Variants in THSD7A observed in about 807,000 individuals in gnomAD.
THSD7A encodes the protein thrombospondin type-1 domain-containing protein 7A.
A neutral mutation model predicts 231.3 loss-of-function variants in THSD7A; 96 were observed. That is an observed-to-expected ratio of 0.41 (90% confidence interval 0.35 to 0.49). THSD7A has a LOEUF of 0.49. Among genes scored for constraint, THSD7A ranks in the 20% least tolerant of loss-of-function variants. The probability of loss-of-function intolerance (pLI) is 0.05; values close to 1 mark genes in which losing one functional copy is unlikely to be tolerated. For missense variants in THSD7A, 2,290 were observed against 2,070.2 expected (o/e 1.11, Z -2.06); for synonymous variants, 940 against 743.3 (o/e 1.26, Z -4.30).
intron 1 of THSD7A, among the ~76,000 whole-genome samples, chr7:11,729,474 G>A (rs1781654833): frequency 6.6e-6 from 1 of 151,732 alleles, no homozygotes; most frequent in South Asian, 2.1e-4. Context: ...GGCCCCAACT[G>A]CTACAGGCTA....
At chr7:11,806,485 G>A (rs1254166438) in intron 1 of THSD7A, among the ~76,000 whole-genome samples, 2 of 152,156 alleles carry the variant, frequency 1.3e-5, no homozygotes, top group Middle Eastern at 3.4e-3. Context: ...GCTTAAAAGT[G>A]GTTGTGGGGA....
chr7:11,384,883 T>C (rs1260622979), intron 23 of THSD7A: 1 of 152,008 alleles, frequency 6.6e-6, no homozygotes, highest in Non-Finnish European at 1.5e-5. Context: ...TAACAACCTG[T>C]TCAAATTGCA....
At chr7:11,431,585 G>A (rs1784479605) in intron 13 of THSD7A, among the ~76,000 whole-genome samples, 1 of 152,078 alleles carries the variant, frequency 6.6e-6, no homozygotes, top group Non-Finnish European at 1.5e-5. Context: ...ACATAGTCTT[G>A]ACTACTGTAA....
At chr7:11,781,259 A>G (rs1046750887) in intron 1 of THSD7A, among the ~76,000 whole-genome samples, 1 of 151,318 alleles carries the variant, frequency 6.6e-6, no homozygotes, top group Non-Finnish European at 1.5e-5. Context: ...AGACCTGGGC[A>G]ACAAAGTCAG....
intron 11 of THSD7A, among the ~76,000 whole-genome samples, chr7:11,451,090 TAAAC>T (rs1785128550): frequency 6.6e-6 from 1 of 151,990 alleles, no homozygotes; most frequent in Admixed American, 6.6e-5. Flanking sequence ...TGAATCAACT[TAAAC>T]AAGCTTAGCC....
chr7:11,814,489 T>A lies in THSD7A; in HGVS notation c.190+17268A>T, dbSNP rs891739890. 2.0e-5 allele frequency among the ~76,000 whole-genome samples: 3 copies of A among 152,218 alleles called. No homozygotes were observed. The highest frequency in any genetic ancestry group is 4.4e-5 in the Non-Finnish European group (3 of 68,042). ...TAGAAAATTACCTCAAGAAGAATGA[T>A]CTTGAAAGCTCTGAAAACTTTCATC... On this transcript the variant is annotated intron_variant, in intron 1 of 27. Coordinates refer to ENST00000423059, the MANE Select transcript of THSD7A (RefSeq NM_015204.3). The surrounding 1 kb of genome is among the most constrained non-coding windows in gnomAD (Gnocchi z 5.1).
chr7:11,764,624 T>C (rs1288215114), intron 1 of THSD7A, among the ~76,000 whole-genome samples: 2 of 151,674 alleles, frequency 1.3e-5, no homozygotes, highest in Non-Finnish European at 2.9e-5. Context: ...ATTACCTTAG[T>C]TTCTCATGAA....
chr7:11,411,905 T>A lies in THSD7A; in HGVS notation c.3683-583A>T, dbSNP rs1348329942. 2.4e-5 allele frequency among the ~76,000 whole-genome samples: 2 copies of A among 82,266 alleles called. No individual in the cohort carries two copies. Among genetic ancestry groups the A allele is most frequent in the East Asian group, 5.8e-4 (2 of 3,446 alleles). 54.0% of individuals were successfully genotyped at this position (82,266 alleles called of 152,430 possible). On this transcript the variant is annotated intron_variant, in intron 18 of 27. Coordinates refer to ENST00000423059, the MANE Select transcript of THSD7A (RefSeq NM_015204.3). The surrounding 1 kb of genome is among the most constrained non-coding windows in gnomAD (Gnocchi z 4.1). The stretch of plus-strand genomic sequence containing the variant: ...CATAGCACATCCCAGATAACTGTGA[T>A]TTTTTTTTTTTGTATCATCAAAGGA...
At chr7:11,494,322 T>C (rs1277642209) in intron 6 of THSD7A, among the ~76,000 whole-genome samples, 1 of 152,012 alleles carries the variant, frequency 6.6e-6, no homozygotes, top group African/African-American at 2.4e-5. Context: ...ACCATTTCTT[T>C]ATAAGTCCTC....
chr7:11,419,489 T>C (rs1350834183), intron 16 of THSD7A, among the ~76,000 whole-genome samples: 2 of 152,186 alleles, frequency 1.3e-5, no homozygotes, highest in African/African-American at 2.4e-5. Context: ...GAGAAGCCTA[T>C]ACAATCCACA....
At chr7:11,453,538 A>T (rs1415262127) in intron 11 of THSD7A, among the ~76,000 whole-genome samples, 1 of 151,992 alleles carries the variant, frequency 6.6e-6, no homozygotes, top group Non-Finnish European at 1.5e-5. Context: ...CAGTGACATT[A>T]CAACAGATGT....
At chr7:11,384,717 C>T (rs1782662834) in intron 23 of THSD7A, 2 of 151,812 alleles carry the variant, frequency 1.3e-5, no homozygotes, top group Admixed American at 1.3e-4. Flanking sequence ...GATCAATTAC[C>T]CTTTTTAACT....
chr7:11,423,443 A>T (rs998213810), intron 16 of THSD7A, among the ~76,000 whole-genome samples: 1 of 146,502 alleles, frequency 6.8e-6, no homozygotes, highest in African/African-American at 2.6e-5. Flanking sequence ...ATCTCGGCTC[A>T]CTGCAAGCTC....
intron 6 of THSD7A, 129 bp downstream of exon 6, chr7:11,541,290 A>C: frequency 5.8e-6 from 5 of 862,336 alleles, no homozygotes; most frequent in Non-Finnish European, 9.3e-6. Flanking sequence ...AGGGAGAGAG[A>C]AGCAGCTATT....
chr7:11,430,712 G>C (rs1784455309), intron 13 of THSD7A, among the ~76,000 whole-genome samples: 1 of 152,126 alleles, frequency 6.6e-6, no homozygotes, highest in Non-Finnish European at 1.5e-5. Context: ...GGCCTCAAGT[G>C]ATCCTTGGCC....
chr7:11,832,007 G>C lies in THSD7A; in HGVS notation c.-61C>G. ...CACGCTCGGCAGGGAATTTTTCTCC[G>C]CTCTTGGAACGTCTTTTCAAAGAGT... On this transcript the variant is annotated 5_prime_UTR_variant, in exon 1 of 28. Coordinates refer to ENST00000423059, the MANE Select transcript of THSD7A (RefSeq NM_015204.3). 9.0e-7 allele frequency: 1 copy of C among 1,116,928 alleles called. No homozygotes were observed. The allele number at this position is 1,116,928 out of a possible 1,614,324, so 69.2% of individuals were successfully genotyped here.
chr7:11,725,951 T>C (rs1423497333), intron 1 of THSD7A, among the ~76,000 whole-genome samples: 1 of 152,040 alleles, frequency 6.6e-6, no homozygotes. Context: ...GAAAATAACT[T>C]GGAAAATGAA....
At chr7:11,536,134 T>C (rs1788906297) in intron 6 of THSD7A, among the ~76,000 whole-genome samples, 1 of 152,210 alleles carries the variant, frequency 6.6e-6, no homozygotes, top group Non-Finnish European at 1.5e-5. Context: ...AGCTCCTTTC[T>C]GCATTAAAAT....
intron 1 of THSD7A, among the ~76,000 whole-genome samples, chr7:11,810,776 T>A (rs1228069334): frequency 6.6e-6 from 1 of 152,188 alleles, no homozygotes; most frequent in African/African-American, 2.4e-5. Context: ...GGTGGTTTAA[T>A]TTCAACTTTC....
Sources: allele counts gnomAD v4.1 joint callset (sites outside exome capture counted in the v4.1 genomes callset), GRCh38; gene constraint gnomAD v4.1.1; non-coding constraint Gnocchi (gnomAD v3.1); transcripts MANE v1.5; gene names NCBI Gene and HGNC (gene_info 2026-07-23, HGNC 2026-07-21).